The following THADA variants were observed in gnomAD, a reference collection of about 807,000 sequenced individuals.
THADA encodes tRNA (32-2'-O)-methyltransferase regulator THADA.
THADA carries 213 observed loss-of-function variants against 219.8 expected under a neutral mutation model. The ratio of observed to expected loss-of-function variants is 0.97; its 90% CI spans 0.87 to 1.09. The LOEUF (loss-of-function observed/expected upper bound fraction) is 1.09. Among genes scored for constraint, THADA ranks in the 50% least tolerant of loss-of-function variants. The probability of loss-of-function intolerance (pLI) is 0.00; values close to 1 mark genes in which losing one functional copy is unlikely to be tolerated. For missense variants in THADA, 2,956 were observed against 2,311.3 expected (o/e 1.28, Z -5.72); for synonymous variants, 1,018 against 828.9 (o/e 1.23, Z -3.92).
At chr2:43,334,450 C>G (rs994160821) in intron 30 of THADA, among the ~76,000 whole-genome samples, 7 of 152,214 alleles carry the variant, frequency 4.6e-5, no homozygotes, top group African/African-American at 1.7e-4. Context: ...TCTACCATCT[C>G]TTCCCCTCAT....
chr2:43,521,102 G>A (rs973078627), intron 22 of THADA, among the ~76,000 whole-genome samples: 1 of 127,612 alleles, frequency 7.8e-6, no homozygotes, highest in Non-Finnish European at 1.6e-5. Context: ...GGAGGAAAGA[G>A]AGGGAAGGGA....
At chr2:43,261,722 A>G (rs1277663610) in intron 36 of THADA, among the ~76,000 whole-genome samples, 4 of 132,904 alleles carry the variant, frequency 3.0e-5, no homozygotes, top group Admixed American at 8.1e-5. Flanking sequence ...TGCAACCTCC[A>G]CTCCCCCAGG....
chr2:43,255,633 G>A (rs1670226860), intron 36 of THADA, among the ~76,000 whole-genome samples: 1 of 152,190 alleles, frequency 6.6e-6, no homozygotes, highest in Non-Finnish European at 1.5e-5. Flanking sequence ...TGTAACCAAG[G>A]GAATGCACAA....
chr2:43,539,884 G>A (rs988534828), intron 21 of THADA, among the ~76,000 whole-genome samples: 8 of 151,760 alleles, frequency 5.3e-5, no homozygotes, highest in Non-Finnish European at 1.0e-4. Flanking sequence ...AAATACATAA[G>A]ATTTGGGTGC....
At position 43,572,799 on chromosome 2, in the gene THADA, A is replaced by G. The variant is rs763782000; in HGVS notation, c.1908+15T>C. The G allele has an allele frequency of 6.2e-7, 1 of 1,611,538 alleles. No individual in the cohort carries two copies. Among genetic ancestry groups the G allele is most frequent in the East Asian group, 2.2e-5 (1 of 44,828 alleles). ...TCTACTGCATGTACAAATCCAGGTA[A>G]TTTTCTTTACTTACTTGGCAATGCT... On this transcript the variant is annotated intron_variant, in intron 12 of 37. Coordinates refer to ENST00000405975, the MANE Select transcript of THADA (RefSeq NM_022065.5).
At chr2:43,298,728 G>T (rs1675890575) in intron 31 of THADA, among the ~76,000 whole-genome samples, 1 of 152,098 alleles carries the variant, frequency 6.6e-6, no homozygotes, top group Non-Finnish European at 1.5e-5. Context: ...CCATTTTTCT[G>T]GTCTGGGGCC....
intron 30 of THADA, among the ~76,000 whole-genome samples, chr2:43,321,022 T>C (rs146409498): frequency 5.5e-4 from 84 of 152,266 alleles, no homozygotes; most frequent in African/African-American, 1.4e-3. Context: ...AGCTGAACAA[T>C]AGACACATGG....
chr2:43,455,718 G>C (rs1002857892), intron 26 of THADA, among the ~76,000 whole-genome samples: 1 of 152,160 alleles, frequency 6.6e-6, no homozygotes, highest in East Asian at 1.9e-4. Context: ...TTAGGTTCTG[G>C]CTTATACTCA....
chr2:43,545,415 T>G (rs1474795010), intron 20 of THADA, among the ~76,000 whole-genome samples: 1 of 151,732 alleles, frequency 6.6e-6, no homozygotes, highest in East Asian at 1.9e-4. Flanking sequence ...GATTCCCTCT[T>G]TTTCTATTGA....
intron 21 of THADA, among the ~76,000 whole-genome samples, chr2:43,540,791 T>C (rs1310378942): frequency 6.6e-6 from 1 of 152,192 alleles, no homozygotes; most frequent in Non-Finnish European, 1.5e-5. Flanking sequence ...TCAACCAACA[T>C]GTTACTTTTT....
chr2:43,541,110 T>C (rs1695238547), intron 21 of THADA, 49 bp downstream of exon 21: 2 of 1,449,098 alleles, frequency 1.4e-6, no homozygotes, highest in Non-Finnish European at 1.8e-6. Context: ...AAAAAGTGAT[T>C]TATGCGTTGA....
At chr2:43,541,658 G>A (rs538520356) in intron 20 of THADA, among the ~76,000 whole-genome samples, 47 of 152,000 alleles carry the variant, frequency 3.1e-4, no homozygotes, top group Admixed American at 5.2e-4. Flanking sequence ...ACAGGTATGC[G>A]CCACCACACC....
intron 28 of THADA, among the ~76,000 whole-genome samples, chr2:43,420,330 T>C (rs1179924746): frequency 3.9e-5 from 6 of 152,254 alleles, no homozygotes; most frequent in Admixed American, 3.9e-4. Context: ...GGTAAGTTCT[T>C]TAAGCATAAA....
Position 43,461,633 on chromosome 2 carries a change from C to G in THADA, c.3836+23601G>C, listed in dbSNP as rs767354281. On this transcript the variant is annotated intron_variant, in intron 26 of 37. Coordinates refer to ENST00000405975, the MANE Select transcript of THADA (RefSeq NM_022065.5). ...CCTGGATGAATGCAAAATGAAAATA[C>G]TGGAGGGGACTCAGCTAATCTGCTA... Among the ~76,000 whole-genome samples the G allele has an allele frequency of 3.6e-4, 55 of 152,148 alleles. 1 individual carries two copies. Among genetic ancestry groups the G allele is most frequent in the Non-Finnish European group, 5.1e-4 (35 of 68,034 alleles).
Position 43,312,614 on chromosome 2 carries a change from A to G in THADA, c.4438+7832T>C, listed in dbSNP as rs1159453322. On this transcript the variant is annotated intron_variant, in intron 31 of 37. Coordinates refer to ENST00000405975, the MANE Select transcript of THADA (RefSeq NM_022065.5). The stretch of plus-strand genomic sequence containing the variant: ...GCTAGGAAACATCTGTTATTTTAGA[A>G]GCTCACTGTTCCCTGGGAAAGATAA... Among the ~76,000 whole-genome samples the G allele has an allele frequency of 2.0e-5, 3 of 152,274 alleles. No homozygotes were observed. In the East Asian group the frequency reaches 5.8e-4, roughly 29 times the overall value.
intron 35 of THADA, 109 bp downstream of exon 35, chr2:43,286,799 A>G: frequency 8.0e-7 from 1 of 1,246,380 alleles, no homozygotes; most frequent in Non-Finnish European, 1.1e-6. Flanking sequence ...GAAAGACATA[A>G]AGGCAGGTGT....
chr2:43,544,435 G>A (rs1176813676), intron 20 of THADA, among the ~76,000 whole-genome samples: 20 of 152,256 alleles, frequency 1.3e-4, no homozygotes, highest in Middle Eastern at 3.4e-3. Flanking sequence ...GCTTGATGGG[G>A]ATGGCATTGA....
chr2:43,386,611 G>A (rs905277000), intron 29 of THADA, among the ~76,000 whole-genome samples: 1 of 151,774 alleles, frequency 6.6e-6, no homozygotes, highest in African/African-American at 2.4e-5. Context: ...ACATAATTAC[G>A]GGCTGGGCAC....
intron 36 of THADA, among the ~76,000 whole-genome samples, chr2:43,254,758 C>T (rs770350818): frequency 3.2e-4 from 48 of 152,166 alleles, no homozygotes; most frequent in Non-Finnish European, 5.7e-4. Flanking sequence ...TCTAACTGAA[C>T]ACACAGTGAC....
Sources: gnomAD v4.1 joint callset for allele counts (sites outside exome capture counted in the v4.1 genomes callset) on GRCh38, gnomAD v4.1.1 for gene constraint, MANE v1.5 for transcripts, NCBI Gene and HGNC (gene_info 2026-07-23, HGNC 2026-07-21) for gene names.